Variants in DNAH14 observed in about 807,000 individuals in gnomAD.
DNAH14 encodes dynein axonemal heavy chain 14.
A neutral mutation model predicts 520.9 loss-of-function variants in DNAH14; 478 were observed. The ratio of observed to expected loss-of-function variants is 0.92; its 90% CI spans 0.85 to 0.99. The LOEUF is 0.99. Among genes scored for constraint, DNAH14 ranks in the 50% least tolerant of loss-of-function variants. DNAH14 has a pLI of 0.00. For synonymous variants in DNAH14, 1,581 were observed against 1,757.2 expected, an observed-to-expected ratio of 0.90 and a Z score of 2.51; for missense variants, 4,831 against 5,234.5, an observed-to-expected ratio of 0.92 and a Z score of 2.38.
intron 43 of DNAH14, among the ~76,000 whole-genome samples, chr1:225,248,402 G>C (rs1432113039): frequency 6.6e-6 from 1 of 152,110 alleles, no homozygotes; most frequent in Admixed American, 6.5e-5. Context: ...AGATGGAAGA[G>C]GGGGGTGTTC....
At chr1:225,262,981 C>T (rs911654341) in intron 46 of DNAH14, among the ~76,000 whole-genome samples, 5 of 149,656 alleles carry the variant, frequency 3.3e-5, no homozygotes, top group Non-Finnish European at 7.4e-5. Flanking sequence ...TTGTCTCTGT[C>T]ATTCTATATG....
chr1:225,341,777 A>T (rs1158474075), intron 69 of DNAH14, among the ~76,000 whole-genome samples: 1 of 152,242 alleles, frequency 6.6e-6, no homozygotes, highest in African/African-American at 2.4e-5. Flanking sequence ...AACTTAAAGA[A>T]ACATAAATTC....
chr1:225,274,440 C>T (rs994456313), intron 52 of DNAH14, among the ~76,000 whole-genome samples: 4 of 151,772 alleles, frequency 2.6e-5, no homozygotes, highest in African/African-American at 9.7e-5. Flanking sequence ...GTGATCCGCC[C>T]GCCTCGGCCT....
intron 36 of DNAH14, among the ~76,000 whole-genome samples, chr1:225,177,502 G>A (rs1330093846): frequency 6.6e-6 from 1 of 152,200 alleles, no homozygotes; most frequent in Non-Finnish European, 1.5e-5. Flanking sequence ...GCATGTCAGA[G>A]GTCTTCATCA....
intron 69 of DNAH14, among the ~76,000 whole-genome samples, chr1:225,341,416 G>T (rs752634922): frequency 6.6e-5 from 10 of 152,232 alleles, no homozygotes; most frequent in African/African-American, 9.6e-5. Flanking sequence ...GAGGTCAGGA[G>T]TTCGAGACCA....
Position 225,227,932 on chromosome 1 carries a change from G to A in DNAH14, c.6440-3141G>A, listed in dbSNP as rs1010885908. 4.6e-5 allele frequency among the ~76,000 whole-genome samples: 7 copies of A among 152,126 alleles called. 1 individual carries two copies. Among genetic ancestry groups the A allele is most frequent in the Admixed American group, 4.6e-4 (7 of 15,274 alleles). Reference sequence around the variant, plus strand: ...CCAAAACTCCAAGTTTGTGACCTGAGTGCAGGGACAGGCTTGGTTCACCTC... The same window carrying A: ...CCAAAACTCCAAGTTTGTGACCTGAATGCAGGGACAGGCTTGGTTCACCTC... On this transcript the variant is annotated intron_variant, in intron 41 of 85. Coordinates refer to ENST00000682510, the MANE Select transcript of DNAH14 (RefSeq NM_001367479.1).
At chr1:225,362,069 G>A (rs2095498237) in intron 75 of DNAH14, among the ~76,000 whole-genome samples, 1 of 152,104 alleles carries the variant, frequency 6.6e-6, no homozygotes, top group South Asian at 2.1e-4. Flanking sequence ...ATTGTGCTAG[G>A]CACAGGGGAC....
intron 23 of DNAH14, among the ~76,000 whole-genome samples, chr1:225,109,688 C>T (rs1573167570): frequency 6.6e-6 from 1 of 151,950 alleles, no homozygotes; most frequent in African/African-American, 2.4e-5. Flanking sequence ...AACTTGGATG[C>T]CCTTTGTTTC....
At chr1:225,133,792 T>C (rs1367553414) in intron 27 of DNAH14, among the ~76,000 whole-genome samples, 1 of 152,194 alleles carries the variant, frequency 6.6e-6, no homozygotes, top group Non-Finnish European at 1.5e-5. Flanking sequence ...GGGAATAGCA[T>C]TGAATCTATA....
At chr1:224,989,249 T>C (rs138245493) in intron 8 of DNAH14, among the ~76,000 whole-genome samples, 1 of 152,330 alleles carries the variant, frequency 6.6e-6, no homozygotes, top group East Asian at 1.9e-4. Flanking sequence ...GGGCACCTGC[T>C]GGCCCACTCA....
At chr1:225,144,225 G>A (rs193149283) in intron 28 of DNAH14, among the ~76,000 whole-genome samples, 172 bp from the exon 29 acceptor site, 56 of 152,182 alleles carry the variant, frequency 3.7e-4, no homozygotes, top group Non-Finnish European at 5.4e-4. Flanking sequence ...TACCTAATAT[G>A]ATCAGTCATT....
intron 37 of DNAH14, among the ~76,000 whole-genome samples, chr1:225,186,464 TCA>T (rs1408074795): frequency 6.6e-6 from 1 of 151,900 alleles, no homozygotes; most frequent in Non-Finnish European, 1.5e-5. Flanking sequence ...TATTTAATTC[TCA>T]CAACAACTGT....
At chr1:225,036,884 C>T (rs1473786934) in intron 11 of DNAH14, among the ~76,000 whole-genome samples, 1 of 151,976 alleles carries the variant, frequency 6.6e-6, no homozygotes, top group Non-Finnish European at 1.5e-5. Context: ...ATAATACTTG[C>T]TTTTTATATC....
At chr1:225,136,962 T>G (rs1361522103) in intron 27 of DNAH14, among the ~76,000 whole-genome samples, 1 of 152,230 alleles carries the variant, frequency 6.6e-6, no homozygotes, top group Non-Finnish European at 1.5e-5. Context: ...TACTTGTGAT[T>G]GCATTGTGAA....
chr1:225,362,812 T>G (rs1323232471), intron 75 of DNAH14, among the ~76,000 whole-genome samples: 4 of 152,066 alleles, frequency 2.6e-5, no homozygotes, highest in Non-Finnish European at 5.9e-5. Context: ...AAAAAAACAT[T>G]TCTTAAGAGT....
intron 29 of DNAH14, 51 bp downstream of exon 29, chr1:225,144,679 C>G: frequency 7.0e-7 from 1 of 1,422,216 alleles, no homozygotes; most frequent in Non-Finnish European, 9.5e-7. Flanking sequence ...TTCTGTCACA[C>G]AAACTTTGAT....
At chr1:225,339,456 G>A (rs895839562) in intron 68 of DNAH14, among the ~76,000 whole-genome samples, 23 of 152,152 alleles carry the variant, frequency 1.5e-4, no homozygotes, top group African/African-American at 4.8e-5. Context: ...ACAGTCCTAC[G>A]GGACTTTAAA....
At position 225,338,187 on chromosome 1, in the gene DNAH14, T is replaced by C; in HGVS notation, c.10433+5T>C. On this transcript the variant is annotated splice_donor_5th_base_variant and intron_variant, in intron 68 of 85. Transcript: ENST00000682510. ...CGAATACAATTCAAATTTTAGGTAA[T>C]GTGCCACAGCTAAATTGAGTCAAAT... The C allele has an allele frequency of 1.3e-6, 2 of 1,551,918 alleles. No individual in the cohort carries two copies. The highest frequency in any genetic ancestry group is 8.7e-7 in the Non-Finnish European group (1 of 1,146,994).
intron 44 of DNAH14, among the ~76,000 whole-genome samples, chr1:225,257,128 A>C (rs1232614581): frequency 6.6e-6 from 1 of 152,220 alleles, no homozygotes; most frequent in Non-Finnish European, 1.5e-5. Flanking sequence ...TTATGTATTG[A>C]GGACCTAAAA....
Sources: allele counts gnomAD v4.1 joint callset (sites outside exome capture counted in the v4.1 genomes callset), GRCh38; gene constraint gnomAD v4.1.1; transcripts MANE v1.5; gene names NCBI Gene and HGNC (gene_info 2026-07-23, HGNC 2026-07-21).